The following CTNNA2 variants were observed in gnomAD, a reference collection of about 807,000 sequenced individuals.
The protein encoded by CTNNA2 is catenin alpha 2, also known as catenin alpha-2.
CTNNA2 carries 42 observed loss-of-function variants against 101.0 expected under a neutral mutation model. That is an observed-to-expected ratio of 0.42 (90% CI 0.32 to 0.54). The LOEUF is 0.54. Among genes scored for constraint, CTNNA2 ranks in the 20% least tolerant of loss-of-function variants. CTNNA2 has a pLI of 0.14. For missense variants in CTNNA2, 871 were observed against 1,223.1 expected, an observed-to-expected ratio of 0.71 and a Z score of 4.29; for synonymous variants, 450 against 456.4, an observed-to-expected ratio of 0.99 and a Z score of 0.18.
At chr2:79,317,626 C>T in intron 3 of CTNNA2, among the ~76,000 whole-genome samples, 1 of 151,972 alleles carries the variant, frequency 6.6e-6, no homozygotes, top group Non-Finnish European at 1.5e-5. Flanking sequence ...TCAAATTCTA[C>T]CTGGGTTCTC....
At chr2:79,566,335 G>A (rs1675110732) in intron 1 of CTNNA2, among the ~76,000 whole-genome samples, 1 of 152,058 alleles carries the variant, frequency 6.6e-6, no homozygotes, top group African/African-American at 2.4e-5. Context: ...TTCCCATGTT[G>A]CAGGAGCAAA....
chr2:80,093,011 T>A (rs531776636), intron 7 of CTNNA2, among the ~76,000 whole-genome samples: 2 of 152,232 alleles, frequency 1.3e-5, no homozygotes, highest in African/African-American at 4.8e-5. Context: ...TTTTTTTAAA[T>A]TTTATTATTA....
intron 18 of CTNNA2, among the ~76,000 whole-genome samples, chr2:80,633,756 T>C (rs548936333): frequency 1.3e-4 from 20 of 152,206 alleles, no homozygotes; most frequent in Non-Finnish European, 2.5e-4. Flanking sequence ...GATTAATTTA[T>C]TAAGGCACCA....
chr2:79,504,529 A>G (rs1481011202), intron 4 of CTNNA2, among the ~76,000 whole-genome samples: 2 of 152,134 alleles, frequency 1.3e-5, no homozygotes, highest in Non-Finnish European at 2.9e-5. Flanking sequence ...ACCTCAGGTA[A>G]TCTGCCTGCC....
intron 4 of CTNNA2, among the ~76,000 whole-genome samples, chr2:79,385,009 C>T (rs1485731835): frequency 1.3e-5 from 2 of 152,294 alleles, no homozygotes; most frequent in Non-Finnish European, 2.9e-5. Flanking sequence ...GAATGCTATG[C>T]AATTTAGCAT....
At chr2:80,348,863 T>C (rs1673028145) in intron 7 of CTNNA2, among the ~76,000 whole-genome samples, 2 of 151,962 alleles carry the variant, frequency 1.3e-5, no homozygotes, top group African/African-American at 4.8e-5. Context: ...TTGAAAGAAT[T>C]TGCAAGAGGT....
intron 7 of CTNNA2, among the ~76,000 whole-genome samples, chr2:80,276,214 T>C (rs1673889050): frequency 6.6e-6 from 1 of 152,176 alleles, no homozygotes; most frequent in Non-Finnish European, 1.5e-5. Flanking sequence ...TTCAGAACTA[T>C]TGAGTAGTTC....
intron 2 of CTNNA2, among the ~76,000 whole-genome samples, chr2:79,724,367 G>C (rs947606394): frequency 6.6e-6 from 1 of 151,996 alleles, no homozygotes; most frequent in African/African-American, 2.4e-5. Flanking sequence ...TGCATTCCAG[G>C]AGATGTGTTC....
intron 7 of CTNNA2, among the ~76,000 whole-genome samples, chr2:80,151,023 T>C (rs1031212291): frequency 2.0e-5 from 3 of 152,126 alleles, no homozygotes; most frequent in Non-Finnish European, 4.4e-5. Context: ...CAGAGGGCCA[T>C]CCCTGGGCAA....
At chr2:79,977,222 G>GCGCACACACACA (rs142876512) in intron 7 of CTNNA2, among the ~76,000 whole-genome samples, 107 of 144,832 alleles carry the variant, frequency 7.4e-4, no homozygotes, top group Non-Finnish European at 1.4e-3. Context: ...GCATATGCAT[G>GCGCACACACACA]CACACACACA....
intron 7 of CTNNA2, among the ~76,000 whole-genome samples, chr2:80,158,080 T>C (rs1704089738): frequency 2.0e-5 from 3 of 152,180 alleles, no homozygotes; most frequent in Admixed American, 6.5e-5. Context: ...AAACTCAACC[T>C]CGTCACCCTG....
At chr2:79,888,329 G>T (rs1438661567) in intron 6 of CTNNA2, among the ~76,000 whole-genome samples, 1 of 152,090 alleles carries the variant, frequency 6.6e-6, no homozygotes, top group Non-Finnish European at 1.5e-5. Context: ...TCACTTTCCA[G>T]AATCCATCTT....
intron 2 of CTNNA2, among the ~76,000 whole-genome samples, chr2:79,203,248 A>G (rs1177618646): frequency 6.6e-6 from 1 of 152,196 alleles, no homozygotes; most frequent in Non-Finnish European, 1.5e-5. Flanking sequence ...AACTGTTTAA[A>G]TCTCACTCCA....
intron 3 of CTNNA2, among the ~76,000 whole-genome samples, chr2:79,792,130 C>T (rs570438742): frequency 1.3e-5 from 2 of 152,062 alleles, no homozygotes; most frequent in African/African-American, 2.4e-5. Context: ...GAAATATAGC[C>T]GTGTAGGTGA....
At chr2:80,553,230 A>T (rs7578752) in intron 11 of CTNNA2, among the ~76,000 whole-genome samples, 3 of 123,298 alleles carry the variant, frequency 2.4e-5, no homozygotes, top group African/African-American at 8.8e-5. Flanking sequence ...TCTCAAAAAA[A>T]AAAATAAAAT....
chr2:80,201,805 G>A (rs1466928443), intron 7 of CTNNA2, among the ~76,000 whole-genome samples: 2 of 152,132 alleles, frequency 1.3e-5, no homozygotes. Context: ...AACAGGAGAT[G>A]TTTTTGCCTA....
chr2:79,351,499 A>G (rs1468203799), intron 3 of CTNNA2, among the ~76,000 whole-genome samples: 1 of 152,124 alleles, frequency 6.6e-6, no homozygotes, highest in Non-Finnish European at 1.5e-5. Context: ...ATATTACATG[A>G]TGCTGAGATT....
At chr2:79,299,147 G>A (rs983324829) in intron 2 of CTNNA2, among the ~76,000 whole-genome samples, 4 of 152,150 alleles carry the variant, frequency 2.6e-5, no homozygotes, top group Non-Finnish European at 5.9e-5. Flanking sequence ...AGCAAGTCAG[G>A]AGTGGAGTAG....
chr2:79,473,740 C>A (rs1200008463), intron 4 of CTNNA2, among the ~76,000 whole-genome samples: 1 of 151,834 alleles, frequency 6.6e-6, no homozygotes, highest in African/African-American at 2.4e-5. Flanking sequence ...ACTTTCAGTA[C>A]AAAAAATGTT....
Sources: gnomAD v4.1 joint callset for allele counts (sites outside exome capture counted in the v4.1 genomes callset) on GRCh38, gnomAD v4.1.1 for gene constraint, MANE v1.5 for transcripts, NCBI Gene and HGNC (gene_info 2026-07-23, HGNC 2026-07-21) for gene names.